The following CORO7 variants were observed in gnomAD, a reference collection of about 807,000 sequenced individuals.
CORO7 encodes the protein coronin 7, also known as coronin-7.
In CORO7, 107 loss-of-function variants were observed where a neutral mutation model predicts 126.6. The observed-to-expected ratio is 0.85, with a 90% CI of 0.72 to 0.99. The LOEUF (loss-of-function observed/expected upper bound fraction) is 0.99, where lower values mean the gene tolerates loss of function less well. Ranked by LOEUF, CORO7 falls within the 50% of genes least tolerant of loss-of-function variation. CORO7 has a pLI of 0.00. For missense variants in CORO7, 1,314 were observed against 1,255.8 expected, an observed-to-expected ratio of 1.05 and a Z score of -0.70; for synonymous variants, 603 against 536.8, an observed-to-expected ratio of 1.12 and a Z score of -1.70.
intron 9 of CORO7, chr16:4,380,897 T>C: frequency 6.4e-7 from 1 of 1,550,400 alleles, no homozygotes; most frequent in Non-Finnish European, 8.7e-7. Context: ...AGGGTCCCTC[T>C]GCTGCTGCCG....
intron 7 of CORO7, among the ~76,000 whole-genome samples, chr16:4,391,707 G>A (rs1250249798): frequency 1.3e-5 from 2 of 152,240 alleles, no homozygotes; most frequent in South Asian, 2.1e-4. Context: ...CTCCCGCCTG[G>A]GCGACAGAGC....
At chr16:4,389,010 C>T (rs568215205) in intron 7 of CORO7, among the ~76,000 whole-genome samples, 1 of 152,326 alleles carries the variant, frequency 6.6e-6, no homozygotes, top group African/African-American at 2.4e-5. Flanking sequence ...CTGGGGATGT[C>T]ACACTCTGTC....
intron 9 of CORO7, among the ~76,000 whole-genome samples, chr16:4,374,983 C>G (rs543353634): frequency 9.9e-5 from 15 of 152,248 alleles, no homozygotes; most frequent in African/African-American, 3.4e-4. Context: ...GGGCCCAGCC[C>G]TGGTGGCATC....
intron 7 of CORO7, among the ~76,000 whole-genome samples, chr16:4,389,194 G>A (rs1434642277): frequency 2.6e-5 from 4 of 152,172 alleles, no homozygotes; most frequent in Admixed American, 2.0e-4. Context: ...ACCCACCTCT[G>A]GGCAACGTCC....
intron 6 of CORO7, chr16:4,397,579 G>C (rs899104792): frequency 6.6e-6 from 1 of 152,100 alleles, no homozygotes; most frequent in African/African-American, 2.4e-5. Context: ...TGAGCAATAC[G>C]GCAAAGTCCA....
At chr16:4,388,339 G>A (rs568420390) in intron 8 of CORO7, among the ~76,000 whole-genome samples, 24 of 152,314 alleles carry the variant, frequency 1.6e-4, no homozygotes, top group Admixed American at 1.2e-3. Flanking sequence ...CTGGGGTCAG[G>A]CTGAGCTATT....
At chr16:4,408,900 T>C (rs1047966713) in intron 3 of CORO7, among the ~76,000 whole-genome samples, 2 of 151,722 alleles carry the variant, frequency 1.3e-5, no homozygotes, top group African/African-American at 4.8e-5. Context: ...GAGGCAGAAG[T>C]TGGAGTGAGC....
Position 4,377,235 on chromosome 16 carries a change from C to A in CORO7, c.785+10751G>T, listed in dbSNP as rs555565419. Reference sequence around the variant, plus strand: ...TTCCCACCCCCCGACGTCCCCGAATCCCAGGAATCCCAGGGCTGCCTCCGG... The same window carrying A: ...TTCCCACCCCCCGACGTCCCCGAATACCAGGAATCCCAGGGCTGCCTCCGG... On this transcript the variant is annotated intron_variant, in intron 9 of 27. Coordinates refer to ENST00000251166, the MANE Select transcript of CORO7 (RefSeq NM_024535.5). Among the ~76,000 whole-genome samples, 201 of 152,190 alleles carry A rather than the reference C, an allele frequency of 1.3e-3. 1 individual carries two copies. The highest frequency in any genetic ancestry group is 4.6e-3 in the African/African-American group (192 of 41,518).
At chr16:4,408,989 G>A (rs895164510) in intron 3 of CORO7, among the ~76,000 whole-genome samples, 3 of 152,032 alleles carry the variant, frequency 2.0e-5, no homozygotes, top group South Asian at 4.2e-4. Context: ...GAACTTGAAC[G>A]GCTCAGCTCC....
At chr16:4,402,239 G>C (rs2055836879) in intron 6 of CORO7, among the ~76,000 whole-genome samples, 2 of 142,580 alleles carry the variant, frequency 1.4e-5, no homozygotes. Flanking sequence ...CACCCGGCCA[G>C]TTTTGTTGTT....
intron 6 of CORO7, among the ~76,000 whole-genome samples, chr16:4,403,318 C>G (rs4785960): frequency 0.53 from 80,639 of 152,048 alleles, 25,591 homozygotes; most frequent in Non-Finnish European, 0.71. Context: ...GATGCCCCCA[C>G]CAGGACCCCG....
intron 9 of CORO7, among the ~76,000 whole-genome samples, chr16:4,374,430 C>T (rs2054646242): frequency 6.6e-6 from 1 of 152,142 alleles, no homozygotes; most frequent in South Asian, 2.1e-4. Flanking sequence ...GCCAGTTATT[C>T]TTCAGGGTTC....
In CORO7 at chr16:4,355,054, A is replaced by T; in HGVS notation, c.*104T>A. The T allele has an allele frequency of 7.7e-7, 1 of 1,300,834 alleles. No homozygotes were observed. Among genetic ancestry groups the T allele is most frequent in the South Asian group, 1.7e-5 (1 of 58,308 alleles). The allele number at this position is 1,300,834 out of a possible 1,614,324, so 80.6% of individuals were successfully genotyped here. A position where few individuals can be genotyped will look rare whatever the true frequency, so the allele number is the denominator to read the frequency against. Reference sequence around the variant, plus strand: ...ACGGGAAGGCAGGAGTGCAGGGGTGACATGTGCCGGGGCCAGAGAGGTATC... The same window carrying T: ...ACGGGAAGGCAGGAGTGCAGGGGTGTCATGTGCCGGGGCCAGAGAGGTATC... On this transcript the variant is annotated 3_prime_UTR_variant, in exon 28 of 28. Coordinates refer to ENST00000251166, the MANE Select transcript of CORO7 (RefSeq NM_024535.5).
At chr16:4,411,935 T>C (rs1190138697) in intron 3 of CORO7, among the ~76,000 whole-genome samples, 1 of 151,458 alleles carries the variant, frequency 6.6e-6, no homozygotes, top group Admixed American at 6.6e-5. Flanking sequence ...TGAGGGCCCA[T>C]CTCCACCCCT....
intron 7 of CORO7, among the ~76,000 whole-genome samples, chr16:4,393,962 A>C (rs1468306289): frequency 2.0e-5 from 3 of 151,858 alleles, no homozygotes; most frequent in Non-Finnish European, 4.4e-5. Flanking sequence ...TTAGCCGGGC[A>C]TGGTGGCGGG....
intron 9 of CORO7, among the ~76,000 whole-genome samples, chr16:4,386,513 C>T (rs1029071750): frequency 6.6e-6 from 1 of 152,146 alleles, no homozygotes; most frequent in Non-Finnish European, 1.5e-5. Context: ...CAGGCAGCTC[C>T]GGGCCTGGGA....
intron 9 of CORO7, among the ~76,000 whole-genome samples, chr16:4,380,631 G>A (rs536894428): frequency 6.6e-6 from 1 of 152,280 alleles, no homozygotes; most frequent in East Asian, 1.9e-4. Context: ...GTCACTGCAC[G>A]TTCAGTGGAT....
In CORO7 at chr16:4,358,109, G is replaced by A; in HGVS notation, c.2458-6C>T. On this transcript the variant is annotated splice_region_variant and splice_polypyrimidine_tract_variant and intron_variant, in intron 24 of 27. Transcript: ENST00000251166. ...TCATCCTGGAAGAACTCTTTCTGCA[G>A]AGGGAGAAACGGGCTGTCCTGAGAC... 1.2e-6 allele frequency: 2 copies of A among 1,610,368 alleles called. No homozygotes were observed. The highest frequency in any genetic ancestry group is 1.7e-6 in the Non-Finnish European group (2 of 1,177,328).
intron 9 of CORO7, among the ~76,000 whole-genome samples, chr16:4,379,759 G>A (rs527588839): frequency 8.4e-4 from 127 of 151,866 alleles, no homozygotes; most frequent in African/African-American, 2.8e-3. Flanking sequence ...AACAGTAGAC[G>A]AAGCCGGGCA....
Sources: gnomAD v4.1 joint callset for allele counts (sites outside exome capture counted in the v4.1 genomes callset) on GRCh38, gnomAD v4.1.1 for gene constraint, MANE v1.5 for transcripts, NCBI Gene and HGNC (gene_info 2026-07-23, HGNC 2026-07-21) for gene names.